DHRS7C: variants seen among roughly 807,000 people sequenced by gnomAD.
The protein encoded by DHRS7C is dehydrogenase/reductase 7C.
In DHRS7C, 28 loss-of-function variants were observed where a neutral mutation model predicts 29.6. The ratio of observed to expected loss-of-function variants is 0.95; its 90% CI spans 0.70 to 1.30. DHRS7C has a LOEUF of 1.30. Ranked by LOEUF, DHRS7C falls within the 50% of genes most tolerant of loss-of-function variation. The probability of loss-of-function intolerance (pLI) is 0.00; values close to 1 mark genes in which losing one functional copy is unlikely to be tolerated. For missense variants in DHRS7C, 403 were observed against 393.3 expected, an observed-to-expected ratio of 1.02 and a Z score of -0.21; for synonymous variants, 158 against 160.2, an observed-to-expected ratio of 0.99 and a Z score of 0.10.
intron 3 of DHRS7C, among the ~76,000 whole-genome samples, chr17:9,777,867 A>C (rs1324785272): frequency 3.3e-5 from 5 of 152,130 alleles, no homozygotes; most frequent in Non-Finnish European, 7.3e-5. Context: ...TAATTTGTTT[A>C]ATTTTCAGGT....
Position 9,791,417 on chromosome 17 carries a change from G to T in DHRS7C, c.-133C>A, listed in dbSNP as rs1342695636. 1.0e-6 allele frequency: 1 copy of T among 958,172 alleles called. No individual in the cohort carries two copies. Among genetic ancestry groups the T allele is most frequent in the African/African-American group, 1.7e-5 (1 of 60,336 alleles). 59.4% of individuals were successfully genotyped at this position (958,172 alleles called of 1,614,324 possible). ...TGCAAGCCTCCAAGCTGAACACCCA[G>T]TGGGCGTGCTAATCCCCAAATGTTC... is the stretch of plus-strand genomic sequence containing the variant. On this transcript the variant is annotated 5_prime_UTR_variant, in exon 1 of 6. In the 5' UTR this introduces an upstream ATG that the reference lacks. Coordinates refer to ENST00000571134, the MANE Select transcript of DHRS7C (RefSeq NM_001105571.3).
In DHRS7C at chr17:9,781,689, T is replaced by A; in HGVS notation, c.155-95A>T. ...TTGGGAACTCATGAATTCAAAAAAC[T>A]CAGAAGTCTTAGCACCACGAGGTCC... On this transcript the variant is annotated intron_variant, in intron 1 of 5. Transcript: ENST00000571134. 4.0e-6 allele frequency: 5 copies of A among 1,248,412 alleles called. No individual in the cohort carries two copies. The South Asian group carries it at 6.4e-5, about 16-fold the overall frequency. The allele number at this position is 1,248,412 out of a possible 1,614,324, so 77.3% of individuals were successfully genotyped here.
In DHRS7C at chr17:9,774,204, T is replaced by C. The variant is rs56222525; in HGVS notation, c.572-1282A>G. Among the ~76,000 whole-genome samples, 11,568 of 152,236 alleles carry C rather than the reference T, an allele frequency of 0.076. 481 individuals are homozygous for C. Among genetic ancestry groups the C allele is most frequent in the Non-Finnish European group, 0.095 (6,441 of 68,026 alleles). Reference sequence around the variant, plus strand: ...GAGAAGCTGGGGACCCAGAGGTGAATAGAAGTAGCTCTGGCCTCATGGAGT... The same window carrying C: ...GAGAAGCTGGGGACCCAGAGGTGAACAGAAGTAGCTCTGGCCTCATGGAGT... On this transcript the variant is annotated intron_variant, in intron 4 of 5. Coordinates refer to ENST00000571134, the MANE Select transcript of DHRS7C (RefSeq NM_001105571.3). This position sits in a 1 kb window ranked among gnomAD's most constrained non-coding sequence, Gnocchi z 5.0.
At position 9,771,448 on chromosome 17, in the gene DHRS7C, A is replaced by C. The variant is rs1324846528; in HGVS notation, c.*40T>G. On this transcript the variant is annotated 3_prime_UTR_variant, in exon 6 of 6. Transcript: ENST00000571134. ...AGAAGCGCCAGCACCTGCCAGAAAA[A>C]CCTTTATTTCCAAGGGGTGGCCCAT... is the stretch of plus-strand genomic sequence containing the variant. 65 of 1,432,798 alleles carry C rather than the reference A, an allele frequency of 4.5e-5. No homozygotes were observed. The highest frequency in any genetic ancestry group is 5.9e-5 in the Non-Finnish European group (64 of 1,086,446). The allele number at this position is 1,432,798 out of a possible 1,614,324, so 88.8% of individuals were successfully genotyped here.
chr17:9,772,463 G>C (rs1420300289), intron 5 of DHRS7C, among the ~76,000 whole-genome samples: 1 of 152,160 alleles, frequency 6.6e-6, no homozygotes, highest in African/African-American at 2.4e-5. Flanking sequence ...CCCGAATCCA[G>C]GCCATGACAT....
At chr17:9,772,666 T>C (rs2066337208) in intron 5 of DHRS7C, 101 bp downstream of exon 5, 1 of 1,440,046 alleles carries the variant, frequency 6.9e-7, no homozygotes, top group Admixed American at 2.1e-5. Context: ...ATCCCCAGAC[T>C]CATGTTTCAG....
chr17:9,784,625 A>T (rs2066412378), intron 1 of DHRS7C, among the ~76,000 whole-genome samples: 1 of 152,260 alleles, frequency 6.6e-6, no homozygotes, highest in African/African-American at 2.4e-5. Flanking sequence ...GAACTCTTAC[A>T]AATCAATTAG....
intron 2 of DHRS7C, among the ~76,000 whole-genome samples, 162 bp from the exon 3 acceptor site, chr17:9,780,197 G>A (rs1358331343): frequency 6.6e-6 from 1 of 151,834 alleles, no homozygotes; most frequent in Non-Finnish European, 1.5e-5. Context: ...TGGGATGGAG[G>A]ATATTGCCAG....
At chr17:9,788,701 G>A (rs1430609487) in intron 1 of DHRS7C, among the ~76,000 whole-genome samples, 1 of 152,184 alleles carries the variant, frequency 6.6e-6, no homozygotes, top group Non-Finnish European at 1.5e-5. Context: ...AGGTTCCGTG[G>A]CACCAGGGTG....
At position 9,791,132 on chromosome 17, in the gene DHRS7C, C is replaced by T. The variant is rs1330580278; in HGVS notation, c.153G>A (p.Lys51=). 5.0e-6 allele frequency: 8 copies of T among 1,611,640 alleles called. No individual in the cohort carries two copies. The East Asian group carries it at 1.6e-4, about 31-fold the overall frequency. ...CAGGTGGGAGCAAAGCCAGCTTACC[C>T]TTGCCCAGTCCTGAGATGGCATCGG... The part of the protein sequence containing the change: ...VITDAISGLG[K]ECARVFHTGG... Residue 51 remains lysine (K), a splice_region_variant and synonymous_variant, in exon 1 of 6, where the codon AAG becomes AAA. Coordinates refer to ENST00000571134, the MANE Select transcript of DHRS7C (RefSeq NM_001105571.3).
chr17:9,771,497 C>G lies in DHRS7C; in HGVS notation c.927G>C (p.Glu309Asp). The change falls in exon 6 of 6, where the codon GAG becomes GAC. Residue 309 changes from glutamate to aspartate, a missense_variant. Coordinates refer to ENST00000571134, the MANE Select transcript of DHRS7C (RefSeq NM_001105571.3). ...ATTTGGCCTCCTGCAGTTACCCCTC[C>G]TCCGGGACATTGAGCTTCTCCTTCA... is the stretch of plus-strand genomic sequence containing the variant. Reference protein sequence around the residue: ...CGVKEKLNVPEEG With the variant: ...CGVKEKLNVPDEG 6.5e-7 allele frequency: 1 copy of G among 1,534,328 alleles called. No homozygotes were observed.
intron 1 of DHRS7C, among the ~76,000 whole-genome samples, chr17:9,787,854 T>C (rs1170477418): frequency 1.3e-5 from 2 of 151,996 alleles, no homozygotes; most frequent in Admixed American, 6.5e-5. Context: ...AATGCAGGCA[T>C]ATGCCACCAC....
chr17:9,781,674 A>C, intron 1 of DHRS7C, 80 bp from the exon 2 acceptor site: 107 of 1,411,180 alleles, frequency 7.6e-5, no homozygotes, highest in Non-Finnish European at 9.7e-5. Context: ...TTGGGAACTC[A>C]TGAATTCAAA....
intron 4 of DHRS7C, among the ~76,000 whole-genome samples, chr17:9,776,746 G>T (rs2066364555): frequency 6.6e-6 from 1 of 152,118 alleles, no homozygotes; most frequent in South Asian, 2.1e-4. Flanking sequence ...GTTTTTCCTG[G>T]TTTCTTCCTC....
rs942746784 is a variant in DHRS7C at position 9,787,432 on chromosome 17, G to A, written c.154+3699C>T. Among the ~76,000 whole-genome samples, 7 of 152,164 alleles carry A rather than the reference G, an allele frequency of 4.6e-5. No individual in the cohort carries two copies. In the East Asian group the frequency reaches 5.8e-4, roughly 13 times the overall value. On this transcript the variant is annotated intron_variant, in intron 1 of 5. Transcript: ENST00000571134. The stretch of plus-strand genomic sequence containing the variant: ...GCCTGGGAGGCTGGAGCCCAGTGGC[G>A]TGCTCAGTGCCTCGGTGCTACTGCA...
intron 1 of DHRS7C, among the ~76,000 whole-genome samples, chr17:9,786,287 A>C (rs2066422907): frequency 6.6e-6 from 1 of 151,356 alleles, no homozygotes; most frequent in Non-Finnish European, 1.5e-5. Flanking sequence ...AGATCGTGCC[A>C]CTGCACTCCA....
At chr17:9,789,065 T>C (rs2066440166) in intron 1 of DHRS7C, among the ~76,000 whole-genome samples, 1 of 152,154 alleles carries the variant, frequency 6.6e-6, no homozygotes, top group Admixed American at 6.6e-5. Flanking sequence ...TAAAAATGAA[T>C]GAGATGATTA....
intron 3 of DHRS7C, among the ~76,000 whole-genome samples, chr17:9,779,219 CTTGAT>C (rs1238129613): frequency 1.3e-5 from 2 of 152,174 alleles, no homozygotes; most frequent in African/African-American, 2.4e-5. Context: ...TGCGTTTGAA[CTTGAT>C]GGTGAGAAAT....
intron 2 of DHRS7C, among the ~76,000 whole-genome samples, chr17:9,780,430 GAA>G (rs11387517): frequency 6.7e-5 from 10 of 148,310 alleles, no homozygotes; most frequent in East Asian, 2.0e-4. Flanking sequence ...CTTGCAAGTT[GAA>G]AAAAAAAAAT....
Sources: allele counts gnomAD v4.1 joint callset (sites outside exome capture counted in the v4.1 genomes callset), GRCh38; gene constraint gnomAD v4.1.1; non-coding constraint Gnocchi (gnomAD v3.1); transcripts MANE v1.5; gene names NCBI Gene and HGNC (gene_info 2026-07-23, HGNC 2026-07-21).